SOX5: variants seen among roughly 807,000 people sequenced by gnomAD.
The protein encoded by SOX5 is transcription factor SOX-5.
In SOX5, 9 loss-of-function variants were observed where a neutral mutation model predicts 92.0. The ratio of observed to expected loss-of-function variants is 0.10; its 90% CI spans 0.06 to 0.17. The LOEUF (loss-of-function observed/expected upper bound fraction) is 0.17, where lower values mean the gene tolerates loss of function less well. SOX5 is among the 10% of genes least tolerant of loss of function. The pLI is 1.00. For synonymous variants in SOX5, 344 were observed against 336.3 expected, an observed-to-expected ratio of 1.02 and a Z score of -0.25; for missense variants, 642 against 944.5, an observed-to-expected ratio of 0.68 and a Z score of 4.20.
chr12:24,082,404 G>GAAAAAAAAAAAAA (rs58736325), intron 4 of SOX5, among the ~76,000 whole-genome samples: 2 of 73,386 alleles, frequency 2.7e-5, no homozygotes, highest in African/African-American at 5.5e-5. Flanking sequence ...CTTTCGAAAA[G>GAAAAAAAAAAAAA]AAAAAAAAAA....
At chr12:24,469,424 T>C (rs1409645689) in intron 1 of SOX5, among the ~76,000 whole-genome samples, 1 of 152,172 alleles carries the variant, frequency 6.6e-6, no homozygotes, top group Non-Finnish European at 1.5e-5. Context: ...TATTTTAGGG[T>C]TCTCCATTTG....
At chr12:23,556,738 G>A (rs940520530) in intron 11 of SOX5, among the ~76,000 whole-genome samples, 1 of 152,116 alleles carries the variant, frequency 6.6e-6, no homozygotes, top group Admixed American at 6.6e-5. Flanking sequence ...AACTTCCACC[G>A]ACTGGAGAGG....
chr12:24,258,373 C>A (rs183354317), intron 3 of SOX5, among the ~76,000 whole-genome samples: 10 of 152,094 alleles, frequency 6.6e-5, no homozygotes, highest in African/African-American at 2.4e-4. Context: ...TCATTTTAGA[C>A]GACATCATGC....
chr12:24,181,614 G>C (rs1399352233), intron 4 of SOX5, among the ~76,000 whole-genome samples: 2 of 152,106 alleles, frequency 1.3e-5, no homozygotes, highest in African/African-American at 4.8e-5. Flanking sequence ...TGTGACAATT[G>C]AATGATTTAA....
chr12:23,533,148 T>C lies in SOX5; in HGVS notation c.*1071A>G, dbSNP rs1347745911. 2 of 456,556 alleles carry C rather than the reference T, an allele frequency of 4.4e-6. No individual in the cohort carries two copies. The highest frequency in any genetic ancestry group is 4.0e-5 in the African/African-American group (2 of 50,196). The allele number at this position is 456,556 out of a possible 1,614,324, so 28.3% of individuals were successfully genotyped here. ...GCAAAGTCAAGGTCAAGATTATTTCTAGACCAGTCACTTGGGAGGATGTGG... is the reference window on the plus strand; with the variant it reads ...GCAAAGTCAAGGTCAAGATTATTTCCAGACCAGTCACTTGGGAGGATGTGG... On this transcript the variant is annotated 3_prime_UTR_variant, in exon 15 of 15. Transcript: ENST00000451604.
intron 4 of SOX5, among the ~76,000 whole-genome samples, chr12:24,076,071 G>A (rs927987777): frequency 2.6e-5 from 4 of 152,178 alleles, no homozygotes; most frequent in African/African-American, 7.2e-5. Context: ...AATCCAGCCT[G>A]TAGAATGAGA....
At chr12:23,654,118 T>A (rs1220901049) in intron 7 of SOX5, among the ~76,000 whole-genome samples, 1 of 152,086 alleles carries the variant, frequency 6.6e-6, no homozygotes, top group African/African-American at 2.4e-5. Flanking sequence ...TTCAAACAAA[T>A]ACTTTGTTGA....
At chr12:24,284,475 T>A (rs994912819) in intron 2 of SOX5, among the ~76,000 whole-genome samples, 1 of 152,036 alleles carries the variant, frequency 6.6e-6, no homozygotes, top group Non-Finnish European at 1.5e-5. Context: ...ATTTAACTTT[T>A]TAAACATTTA....
intron 1 of SOX5, among the ~76,000 whole-genome samples, chr12:24,561,694 G>A (rs898959411): frequency 4.6e-5 from 7 of 150,824 alleles, no homozygotes; most frequent in African/African-American, 1.7e-4. Flanking sequence ...GAATCCTGAA[G>A]GATGAGACTT....
chr12:24,072,273 T>C (rs1941895609), intron 4 of SOX5, among the ~76,000 whole-genome samples: 2 of 152,212 alleles, frequency 1.3e-5, no homozygotes, highest in South Asian at 4.1e-4. Context: ...ATTGGCAAGA[T>C]AAGAATTAAC....
chr12:23,700,091 A>T, intron 6 of SOX5, among the ~76,000 whole-genome samples: 1 of 152,168 alleles, frequency 6.6e-6, no homozygotes, highest in East Asian at 1.9e-4. Flanking sequence ...ATCATGTCCC[A>T]GACCAGAACT....
At chr12:23,829,167 T>C (rs1217952022) in intron 3 of SOX5, among the ~76,000 whole-genome samples, 1 of 151,976 alleles carries the variant, frequency 6.6e-6, no homozygotes, top group East Asian at 1.9e-4. Flanking sequence ...CAGGCCTATT[T>C]AATTAGGGCA....
intron 4 of SOX5, among the ~76,000 whole-genome samples, chr12:24,196,521 C>G (rs1957027021): frequency 6.6e-6 from 1 of 152,092 alleles, no homozygotes; most frequent in Middle Eastern, 3.2e-3. Context: ...AAGGGGGGGT[C>G]AACCAGATGA....
intron 1 of SOX5, among the ~76,000 whole-genome samples, chr12:23,938,452 C>A (rs1165173555): frequency 6.6e-6 from 1 of 150,868 alleles, no homozygotes; most frequent in Non-Finnish European, 1.5e-5. Context: ...AATGTTTGTA[C>A]AAAGAATACT....
intron 2 of SOX5, among the ~76,000 whole-genome samples, chr12:24,296,818 T>A (rs199869476): frequency 2.2e-5 from 3 of 137,438 alleles, no homozygotes; most frequent in South Asian, 2.3e-4. Flanking sequence ...ACATTGTTCT[T>A]AAAAAAAAAA....
chr12:24,193,302 C>T (rs955862169), intron 4 of SOX5, among the ~76,000 whole-genome samples: 2 of 152,184 alleles, frequency 1.3e-5, no homozygotes, highest in African/African-American at 4.8e-5. Flanking sequence ...TCCTTAATGA[C>T]TACAAATGGC....
chr12:23,593,820 A>T (rs1951931135), intron 9 of SOX5, among the ~76,000 whole-genome samples: 1 of 152,106 alleles, frequency 6.6e-6, no homozygotes, highest in Admixed American at 6.6e-5. Flanking sequence ...TTTAAAAAGC[A>T]TATACTAACT....
At chr12:24,492,384 G>A (rs935961675) in intron 1 of SOX5, among the ~76,000 whole-genome samples, 5 of 152,170 alleles carry the variant, frequency 3.3e-5, no homozygotes, top group African/African-American at 1.2e-4. Context: ...TCCCCCAAGA[G>A]GAAATATTGT....
Position 23,534,367 on chromosome 12 carries a change from A to G in SOX5, c.2144T>C (p.Val715Ala), listed in dbSNP as rs755766750. Residue 715 changes from valine to alanine, a missense_variant, in exon 15 of 15, where the codon GTG (valine) becomes GCG (alanine). By Grantham distance (64) the Val-to-Ala change is moderately conservative. Around this residue, in one of 8 missense-constraint regions of SOX5, gnomAD observed 130 missense variants for 140.6 expected, o/e 0.92. Transcript: ENST00000451604. ...GMPVIQSTYG[V>A]KGEEPHIKEE... ...TTTGATATGTGGCTCCTCTCCTTTCACACCGTAAGTGCTCTGGATAACAGG... is the reference window on the plus strand; with the variant it reads ...TTTGATATGTGGCTCCTCTCCTTTCGCACCGTAAGTGCTCTGGATAACAGG... 1 of 1,613,918 alleles carries G rather than the reference A, an allele frequency of 6.2e-7. No homozygotes were observed. Among genetic ancestry groups the G allele is most frequent in the Non-Finnish European group, 8.5e-7 (1 of 1,179,972 alleles).
Sources: allele counts gnomAD v4.1 joint callset (sites outside exome capture counted in the v4.1 genomes callset), GRCh38; gene constraint gnomAD v4.1.1; regional missense constraint gnomAD v4.1.1; transcripts MANE v1.5; gene names NCBI Gene and HGNC (gene_info 2026-07-23, HGNC 2026-07-21).